Variants in DPP6 observed in about 807,000 individuals in gnomAD.
The protein encoded by DPP6 is dipeptidyl peptidase like 6, also known as A-type potassium channel modulatory protein DPP6.
Under a neutral mutation model 122.6 loss-of-function variants are expected in DPP6, and 69 were observed. The ratio of observed to expected loss-of-function variants is 0.56; its 90% confidence interval spans 0.46 to 0.69. DPP6 has a LOEUF of 0.69. Among genes scored for constraint, DPP6 ranks in the 30% least tolerant of loss-of-function variants. The pLI, the probability that DPP6 is intolerant of heterozygous loss-of-function variation, is 0.00. For missense variants in DPP6, 928 were observed against 1,116.9 expected (o/e 0.83, Z 2.41); for synonymous variants, 418 against 433.1 (o/e 0.97, Z 0.43).
At chr7:154,340,449 C>T (rs1364254125) in intron 1 of DPP6, among the ~76,000 whole-genome samples, 4 of 152,160 alleles carry the variant, frequency 2.6e-5, no homozygotes, top group African/African-American at 4.8e-5. Flanking sequence ...GCTGTGTGGC[C>T]GTCTTGAAGG....
At chr7:153,978,634 A>G (rs1335977738) in intron 1 of DPP6, among the ~76,000 whole-genome samples, 1 of 152,172 alleles carries the variant, frequency 6.6e-6, no homozygotes, top group African/African-American at 2.4e-5. Context: ...GCCCATGACT[A>G]TGTCATGAAT....
At chr7:153,967,751 A>G (rs1487317192) in intron 1 of DPP6, among the ~76,000 whole-genome samples, 1 of 152,020 alleles carries the variant, frequency 6.6e-6, no homozygotes, top group East Asian at 1.9e-4. Context: ...CTCTTTCACA[A>G]ACTATTAATG....
intron 1 of DPP6, among the ~76,000 whole-genome samples, chr7:153,943,451 G>A (rs1397230915): frequency 6.6e-6 from 1 of 152,196 alleles, no homozygotes; most frequent in Non-Finnish European, 1.5e-5. Flanking sequence ...ATCAAATCAT[G>A]TAGAGCCCTC....
At chr7:153,871,747 G>T in the DPP6 span, among the ~76,000 whole-genome samples, 7 of 152,154 alleles carry the variant, frequency 4.6e-5, no homozygotes, top group African/African-American at 1.4e-4. Context: ...CGTCGCTCAC[G>T]CTGGGAGCTA....
chr7:153,945,710 CA>C, intron 1 of DPP6, among the ~76,000 whole-genome samples: 1 of 152,180 alleles, frequency 6.6e-6, no homozygotes, highest in African/African-American at 2.4e-5. Flanking sequence ...TTCTCAGAAG[CA>C]GTTTTGTGAA....
chr7:153,765,817 C>T, the DPP6 span, among the ~76,000 whole-genome samples: 2 of 152,170 alleles, frequency 1.3e-5, no homozygotes, highest in Non-Finnish European at 2.9e-5. Flanking sequence ...CTTGTGTACT[C>T]ATGCTTATGG....
At chr7:154,199,199 G>A (rs1799036632) in intron 1 of DPP6, among the ~76,000 whole-genome samples, 1 of 152,138 alleles carries the variant, frequency 6.6e-6, no homozygotes, top group South Asian at 2.1e-4. Context: ...ATTTGGAGAA[G>A]GCTTGTGGGC....
At chr7:154,003,657 G>A (rs1797782595) in intron 1 of DPP6, among the ~76,000 whole-genome samples, 1 of 151,796 alleles carries the variant, frequency 6.6e-6, no homozygotes, top group Admixed American at 6.5e-5. Flanking sequence ...TCTGAATATT[G>A]GATGATCTGG....
intron 16 of DPP6, among the ~76,000 whole-genome samples, chr7:154,853,300 T>A (rs1288940734): frequency 6.6e-6 from 1 of 152,160 alleles, no homozygotes; most frequent in East Asian, 1.9e-4. Context: ...AGTTTGACAT[T>A]TTCAAAATAT....
chr7:154,354,552 G>A (rs952431577), intron 1 of DPP6, among the ~76,000 whole-genome samples: 5 of 152,102 alleles, frequency 3.3e-5, no homozygotes, highest in African/African-American at 1.2e-4. Flanking sequence ...TTCGCTGGGT[G>A]TCTTTTCTCT....
Position 154,336,510 on chromosome 7 carries a change from G to A in DPP6, c.244-109704G>A, listed in dbSNP as rs60370336. On this transcript the variant is annotated intron_variant, in intron 1 of 25. Coordinates refer to ENST00000377770, the MANE Select transcript of DPP6 (RefSeq NM_130797.4). Reference sequence around the variant, plus strand: ...TGGAGGCACCAGGTCCCGCAACACTGGTACCATAGGACAGGGCTTCCTGGT... The same window carrying A: ...TGGAGGCACCAGGTCCCGCAACACTAGTACCATAGGACAGGGCTTCCTGGT... Among the ~76,000 whole-genome samples the A allele has an allele frequency of 6.4e-3, 969 of 152,248 alleles. 17 individuals carry two copies. In the East Asian group the frequency reaches 0.071, roughly 11 times the overall value.
chr7:154,487,947 C>T (rs893534746), intron 3 of DPP6, among the ~76,000 whole-genome samples: 4 of 152,212 alleles, frequency 2.6e-5, no homozygotes, highest in African/African-American at 4.8e-5. Context: ...GTCTGCATCT[C>T]TGTCTGGCTC....
At chr7:154,175,032 GC>G (rs568770629) in intron 1 of DPP6, among the ~76,000 whole-genome samples, 1 of 151,084 alleles carries the variant, frequency 6.6e-6, no homozygotes, top group African/African-American at 2.4e-5. Flanking sequence ...TGCAACACGC[GC>G]CCCCCACCCC....
chr7:154,492,964 G>T (rs1157924626), intron 3 of DPP6, among the ~76,000 whole-genome samples: 1 of 152,128 alleles, frequency 6.6e-6, no homozygotes, highest in Non-Finnish European at 1.5e-5. Flanking sequence ...AAAAATCCAC[G>T]AAGCTCCCGC....
chr7:154,175,591 T>C (rs1191877811), intron 1 of DPP6, among the ~76,000 whole-genome samples: 1 of 152,128 alleles, frequency 6.6e-6, no homozygotes, highest in Non-Finnish European at 1.5e-5. Context: ...TATAGAACTA[T>C]AGTGGGTGTT....
chr7:154,312,522 G>A (rs1387410388), intron 1 of DPP6, among the ~76,000 whole-genome samples: 1 of 152,218 alleles, frequency 6.6e-6, no homozygotes, highest in African/African-American at 2.4e-5. Context: ...TTTCCCCAGT[G>A]TGGAACTGCA....
At chr7:154,360,978 C>T (rs1811675696) in intron 1 of DPP6, among the ~76,000 whole-genome samples, 1 of 152,098 alleles carries the variant, frequency 6.6e-6, no homozygotes, top group Non-Finnish European at 1.5e-5. Flanking sequence ...TGCTGAACTC[C>T]ATGGGCCAGT....
intron 8 of DPP6, among the ~76,000 whole-genome samples, chr7:154,729,860 A>C (rs951676911): frequency 3.9e-5 from 6 of 152,178 alleles, no homozygotes; most frequent in Admixed American, 3.3e-4. Flanking sequence ...CCTTGGCTAC[A>C]CCTGAAAAAG....
chr7:154,623,669 A>C (rs1311488044), intron 5 of DPP6, among the ~76,000 whole-genome samples: 1 of 151,476 alleles, frequency 6.6e-6, no homozygotes, highest in African/African-American at 2.5e-5. Flanking sequence ...ACACACGCAC[A>C]CACACACGCA....
Sources: allele counts gnomAD v4.1 joint callset (sites outside exome capture counted in the v4.1 genomes callset), GRCh38; gene constraint gnomAD v4.1.1; transcripts MANE v1.5; gene names NCBI Gene and HGNC (gene_info 2026-07-23, HGNC 2026-07-21).